RBMS3: variants seen among roughly 807,000 people sequenced by gnomAD.
RBMS3 encodes the protein RNA binding motif single stranded interacting protein 3, also known as RNA-binding motif, single-stranded-interacting protein 3.
RBMS3 carries 27 observed loss-of-function variants against 66.8 expected under a neutral mutation model. The observed-to-expected ratio is 0.40, with a 90% CI of 0.30 to 0.56. The LOEUF (loss-of-function observed/expected upper bound fraction) is 0.56, where lower values mean the gene tolerates loss of function less well. Among genes scored for constraint, RBMS3 ranks in the 20% least tolerant of loss-of-function variants. RBMS3 has a pLI of 0.40. For synonymous variants in RBMS3, 188 were observed against 183.0 expected (o/e 1.03, Z -0.22); for missense variants, 513 against 549.5 (o/e 0.93, Z 0.66).
chr3:29,702,691 C>T (rs111671143), intron 4 of RBMS3, among the ~76,000 whole-genome samples: 1 of 151,994 alleles, frequency 6.6e-6, no homozygotes, highest in Non-Finnish European at 1.5e-5. Flanking sequence ...ATGAGAGGAA[C>T]GAACAACTCC....
intron 6 of RBMS3, among the ~76,000 whole-genome samples, chr3:29,867,782 T>A (rs2059396558): frequency 6.6e-6 from 1 of 151,594 alleles, no homozygotes; most frequent in Non-Finnish European, 1.5e-5. Flanking sequence ...TGGTCAAGAA[T>A]TAGGGCCTTT....
chr3:29,658,885 C>T (rs541995743), intron 4 of RBMS3, among the ~76,000 whole-genome samples: 5 of 152,198 alleles, frequency 3.3e-5, no homozygotes, highest in African/African-American at 4.8e-5. Flanking sequence ...TGCAGTGGCA[C>T]GATCTCGGCT....
At chr3:29,720,652 G>A (rs973069289) in intron 4 of RBMS3, among the ~76,000 whole-genome samples, 1 of 151,386 alleles carries the variant, frequency 6.6e-6, no homozygotes, top group Non-Finnish European at 1.5e-5. Flanking sequence ...TCACTAAAGT[G>A]TGTGGAAATA....
intron 4 of RBMS3, among the ~76,000 whole-genome samples, chr3:29,643,549 G>T (rs2049804871): frequency 6.6e-6 from 1 of 152,146 alleles, no homozygotes; most frequent in Non-Finnish European, 1.5e-5. Flanking sequence ...GAGGAGGAAG[G>T]GTACATTCAC....
At chr3:29,443,183 A>G (rs976140898) in intron 2 of RBMS3, among the ~76,000 whole-genome samples, 5 of 152,204 alleles carry the variant, frequency 3.3e-5, no homozygotes, top group Admixed American at 2.6e-4. Context: ...GTCCAAATAA[A>G]AAATCTTGGG....
chr3:29,778,302 T>A (rs2056495097), intron 6 of RBMS3, among the ~76,000 whole-genome samples: 1 of 151,862 alleles, frequency 6.6e-6, no homozygotes, highest in South Asian at 2.1e-4. Context: ...TGCCTGTTTC[T>A]CTTGTTCTCT....
intron 6 of RBMS3, among the ~76,000 whole-genome samples, chr3:29,772,173 TC>T (rs35358279): frequency 6.6e-6 from 1 of 151,808 alleles, no homozygotes. Context: ...GACTTGGATT[TC>T]CCCCCTAGAG....
chr3:29,719,636 A>G (rs764069123), intron 4 of RBMS3, among the ~76,000 whole-genome samples: 3 of 152,108 alleles, frequency 2.0e-5, no homozygotes, highest in Non-Finnish European at 2.9e-5. Context: ...AGAGTTGTAG[A>G]TTTCCCCCCT....
intron 3 of RBMS3, among the ~76,000 whole-genome samples, chr3:29,557,980 CA>C (rs1490851783): frequency 6.6e-6 from 1 of 151,758 alleles, no homozygotes; most frequent in Non-Finnish European, 1.5e-5. Flanking sequence ...AAGAAAGCCA[CA>C]AAATAGACAA....
intron 6 of RBMS3, among the ~76,000 whole-genome samples, chr3:29,800,727 A>G (rs2149442464): frequency 6.6e-6 from 1 of 152,276 alleles, no homozygotes; most frequent in Non-Finnish European, 1.5e-5. Flanking sequence ...GGAAAAGTAA[A>G]GTGTAAAAAC....
At chr3:29,841,183 G>T (rs911486447) in intron 6 of RBMS3, among the ~76,000 whole-genome samples, 2 of 151,152 alleles carry the variant, frequency 1.3e-5, no homozygotes, top group Non-Finnish European at 3.0e-5. Context: ...TTTTCTCTTG[G>T]GTTGTGTATT....
chr3:29,574,867 AAATT>A (rs1024281874), intron 3 of RBMS3, among the ~76,000 whole-genome samples: 1 of 151,400 alleles, frequency 6.6e-6, no homozygotes, highest in African/African-American at 2.4e-5. Context: ...ACACACAAGA[AAATT>A]AATAAAAACC....
chr3:29,428,878 A>T (rs916824183), intron 1 of RBMS3, among the ~76,000 whole-genome samples: 1 of 152,214 alleles, frequency 6.6e-6, no homozygotes, highest in Non-Finnish European at 1.5e-5. Context: ...ACATTTTAAG[A>T]TGGACTTCAT....
intron 4 of RBMS3, among the ~76,000 whole-genome samples, chr3:29,660,981 G>T (rs1228092697): frequency 6.6e-6 from 1 of 152,180 alleles, no homozygotes; most frequent in African/African-American, 2.4e-5. Flanking sequence ...TCAGTGCACG[G>T]ATACCCAGTA....
chr3:29,303,203 A>G (rs1363434519), intron 1 of RBMS3, among the ~76,000 whole-genome samples: 1 of 152,026 alleles, frequency 6.6e-6, no homozygotes, highest in Non-Finnish European at 1.5e-5. Context: ...TATAAAACTG[A>G]AAGGAGCTTT....
chr3:29,977,586 C>T (rs1407184466), intron 12 of RBMS3, among the ~76,000 whole-genome samples: 2 of 152,028 alleles, frequency 1.3e-5, no homozygotes, highest in African/African-American at 2.4e-5. Flanking sequence ...TGGAACAAGG[C>T]ATGGAGTCTG....
chr3:29,680,483 TTCTA>T (rs1388721942), intron 4 of RBMS3, among the ~76,000 whole-genome samples: 4 of 152,250 alleles, frequency 2.6e-5, no homozygotes, highest in African/African-American at 4.8e-5. Flanking sequence ...TAACAAGTCA[TTCTA>T]TCTAATTTCA....
intron 4 of RBMS3, among the ~76,000 whole-genome samples, chr3:29,671,319 G>A (rs1475797361): frequency 6.6e-6 from 1 of 152,174 alleles, no homozygotes; most frequent in East Asian, 1.9e-4. Context: ...CCACAAAGAT[G>A]GGGAGAAACC....
chr3:29,372,153 C>A (rs545016679), intron 1 of RBMS3, among the ~76,000 whole-genome samples: 1 of 152,038 alleles, frequency 6.6e-6, no homozygotes, highest in Non-Finnish European at 1.5e-5. Context: ...AAGTAAGAAA[C>A]CCTGTCTCTA....
Sources: gnomAD v4.1 joint callset for allele counts (sites outside exome capture counted in the v4.1 genomes callset) on GRCh38, gnomAD v4.1.1 for gene constraint, MANE v1.5 for transcripts, NCBI Gene and HGNC (gene_info 2026-07-23, HGNC 2026-07-21) for gene names.